Variants in ANTXR1 observed in about 807,000 individuals in gnomAD.
The protein encoded by ANTXR1 is ANTXR cell adhesion molecule 1.
Under a neutral mutation model 78.1 loss-of-function variants are expected in ANTXR1, and 19 were observed. The observed-to-expected ratio is 0.24, with a 90% CI of 0.17 to 0.36. The LOEUF (loss-of-function observed/expected upper bound fraction) is 0.36. ANTXR1 is among the 10% of genes least tolerant of loss of function. ANTXR1 has a pLI of 1.00. For synonymous variants in ANTXR1, 273 were observed against 260.5 expected (o/e 1.05, Z -0.46); for missense variants, 518 against 718.6 (o/e 0.72, Z 3.19).
chr2:69,161,909 C>T (rs1673692675), intron 13 of ANTXR1, among the ~76,000 whole-genome samples: 1 of 152,054 alleles, frequency 6.6e-6, no homozygotes, highest in Admixed American at 6.6e-5. Flanking sequence ...CCCAGAAGTC[C>T]CCCAGGACAT....
intron 17 of ANTXR1, among the ~76,000 whole-genome samples, chr2:69,209,931 C>G (rs1558647652): frequency 6.6e-6 from 1 of 152,162 alleles, no homozygotes; most frequent in Admixed American, 6.5e-5. Context: ...CTGCCTGCCT[C>G]TAATTAACAT....
chr2:69,090,159 C>CA (rs1054190747), intron 8 of ANTXR1, among the ~76,000 whole-genome samples: 1 of 151,890 alleles, frequency 6.6e-6, no homozygotes, highest in East Asian at 1.9e-4. Flanking sequence ...CCAGACTTTC[C>CA]AAGCAAAAAA....
chr2:69,155,680 A>G (rs1392248535), intron 13 of ANTXR1, among the ~76,000 whole-genome samples: 1 of 152,230 alleles, frequency 6.6e-6, no homozygotes, highest in African/African-American at 2.4e-5. Flanking sequence ...GTCATCAATG[A>G]ATCAGTGACA....
chr2:69,170,091 G>GC (rs1039004442), intron 13 of ANTXR1, among the ~76,000 whole-genome samples, 157 bp from the exon 14 acceptor site: 11 of 152,350 alleles, frequency 7.2e-5, no homozygotes, highest in African/African-American at 2.6e-4. Context: ...ACTCTGTCCA[G>GC]CAAAGACACC....
chr2:69,208,430 A>G (rs967289895), intron 17 of ANTXR1, among the ~76,000 whole-genome samples: 1 of 152,236 alleles, frequency 6.6e-6, no homozygotes, highest in African/African-American at 2.4e-5. Context: ...TGTGCTATAA[A>G]TGCAAAATAT....
intron 9 of ANTXR1, among the ~76,000 whole-genome samples, chr2:69,097,660 T>G (rs1671475557): frequency 6.6e-6 from 1 of 152,218 alleles, no homozygotes; most frequent in Non-Finnish European, 1.5e-5. Context: ...CACAACACTT[T>G]GGAAGAGTTT....
At chr2:69,137,783 CA>C (rs1277649788) in intron 12 of ANTXR1, among the ~76,000 whole-genome samples, 946 of 87,052 alleles carry the variant, frequency 0.011, 8 homozygotes, top group Middle Eastern at 0.061. Context: ...GACCCTGTCT[CA>C]AAAAAAAAAA....
chr2:69,206,202 A>C (rs1328958720), intron 17 of ANTXR1, among the ~76,000 whole-genome samples: 2 of 152,180 alleles, frequency 1.3e-5, no homozygotes, highest in African/African-American at 4.8e-5. Context: ...CCACCAGCTG[A>C]CACCCAGGCA....
intron 4 of ANTXR1, among the ~76,000 whole-genome samples, chr2:69,071,551 A>G (rs973596373): frequency 4.6e-5 from 7 of 152,236 alleles, no homozygotes; most frequent in African/African-American, 1.7e-4. Context: ...ATTGCTATGC[A>G]GCACATAACT....
intron 17 of ANTXR1, among the ~76,000 whole-genome samples, chr2:69,231,562 T>G (rs1675597047): frequency 6.6e-6 from 1 of 152,210 alleles, no homozygotes; most frequent in South Asian, 2.1e-4. Context: ...CCTAATGACT[T>G]AAACTATAAT....
intron 17 of ANTXR1, among the ~76,000 whole-genome samples, chr2:69,233,752 C>A (rs1268364749): frequency 4.6e-5 from 7 of 151,580 alleles, no homozygotes; most frequent in Non-Finnish European, 1.0e-4. Flanking sequence ...GATAAGGACA[C>A]CTGACATCAC....
intron 8 of ANTXR1, among the ~76,000 whole-genome samples, chr2:69,085,705 A>AAC (rs1157435914): frequency 1.4e-5 from 1 of 73,932 alleles, no homozygotes; most frequent in African/African-American, 7.3e-5. Flanking sequence ...GTGACCAAAC[A>AAC]ATAAAAAAAA....
chr2:69,061,146 A>G (rs1214963648), intron 3 of ANTXR1, among the ~76,000 whole-genome samples: 3 of 152,206 alleles, frequency 2.0e-5, no homozygotes, highest in African/African-American at 7.2e-5. Context: ...AGGGTTAGAG[A>G]GTGAAAACTG....
intron 17 of ANTXR1, among the ~76,000 whole-genome samples, chr2:69,243,213 C>T (rs1318778276): frequency 1.3e-5 from 2 of 152,206 alleles, no homozygotes; most frequent in African/African-American, 4.8e-5. Flanking sequence ...TTCCCACCCC[C>T]TACTTTTCCT....
At chr2:69,157,968 C>T (rs1673572944) in intron 13 of ANTXR1, among the ~76,000 whole-genome samples, 1 of 152,204 alleles carries the variant, frequency 6.6e-6, no homozygotes, top group Non-Finnish European at 1.5e-5. Context: ...CTTTTCCATC[C>T]TGGCCCCACT....
At chr2:69,045,632 G>A (rs564586165) in intron 3 of ANTXR1, among the ~76,000 whole-genome samples, 6 of 152,212 alleles carry the variant, frequency 3.9e-5, no homozygotes, top group South Asian at 2.1e-4. Flanking sequence ...ATTCTCTAAC[G>A]TTCTTATAGA....
At chr2:69,194,725 T>C (rs1674623513) in intron 17 of ANTXR1, among the ~76,000 whole-genome samples, 1 of 152,094 alleles carries the variant, frequency 6.6e-6, no homozygotes, top group Non-Finnish European at 1.5e-5. Flanking sequence ...TGGTGGCACA[T>C]GCCTGTAATC....
chr2:69,014,658 A>G (rs1051658174), intron 1 of ANTXR1, among the ~76,000 whole-genome samples: 1 of 152,228 alleles, frequency 6.6e-6, no homozygotes, highest in Non-Finnish European at 1.5e-5. Context: ...CGTGCTCATT[A>G]AAACTGAGTG....
At chr2:69,024,053 A>G (rs1348292888) in intron 1 of ANTXR1, among the ~76,000 whole-genome samples, 1 of 152,222 alleles carries the variant, frequency 6.6e-6, no homozygotes, top group Non-Finnish European at 1.5e-5. Context: ...CATATCTATC[A>G]TCTATGTTTG....
Sources: allele counts gnomAD v4.1 joint callset (sites outside exome capture counted in the v4.1 genomes callset), GRCh38; gene constraint gnomAD v4.1.1; transcripts MANE v1.5; gene names NCBI Gene and HGNC (gene_info 2026-07-23, HGNC 2026-07-21).